The following SNTB2 variants were observed in gnomAD, a reference collection of about 807,000 sequenced individuals.
SNTB2 encodes beta-2-syntrophin.
In SNTB2, 34 loss-of-function variants were observed where a neutral mutation model predicts 46.2. The ratio of observed to expected loss-of-function variants is 0.74; its 90% CI spans 0.56 to 0.98. The LOEUF (loss-of-function observed/expected upper bound fraction) is 0.98, where lower values mean the gene tolerates loss of function less well. Ranked by LOEUF, SNTB2 falls within the 50% of genes least tolerant of loss-of-function variation. The pLI, the probability that SNTB2 is intolerant of heterozygous loss-of-function variation, is 0.00. For synonymous variants in SNTB2, 290 were observed against 312.6 expected (o/e 0.93, Z 0.76); for missense variants, 603 against 731.4 (o/e 0.82, Z 2.02).
chr16:69,226,644 G>A (rs949299015), intron 1 of SNTB2, among the ~76,000 whole-genome samples: 9 of 152,074 alleles, frequency 5.9e-5, no homozygotes, highest in East Asian at 5.8e-4. Flanking sequence ...GTCCTCCCAC[G>A]TCAGTGTCCT....
chr16:69,188,367 A>T (rs1388251047), intron 1 of SNTB2, among the ~76,000 whole-genome samples: 1 of 152,208 alleles, frequency 6.6e-6, no homozygotes, highest in African/African-American at 2.4e-5. Flanking sequence ...ACTGCCAACT[A>T]GAGTTTTGCC....
intron 1 of SNTB2, among the ~76,000 whole-genome samples, chr16:69,189,245 A>C (rs1182475360): frequency 6.6e-6 from 1 of 152,174 alleles, no homozygotes; most frequent in Non-Finnish European, 1.5e-5. Context: ...TTGCTCGGAA[A>C]TTAGTGTTAA....
At chr16:69,257,527 A>G (rs1047374747) in intron 2 of SNTB2, among the ~76,000 whole-genome samples, 1 of 151,424 alleles carries the variant, frequency 6.6e-6, no homozygotes, top group African/African-American at 2.4e-5. Flanking sequence ...GCTCACTGCA[A>G]GCTCCGCCTC....
intron 1 of SNTB2, among the ~76,000 whole-genome samples, chr16:69,220,810 G>A (rs28409143): frequency 0.11 from 16,933 of 152,110 alleles, 1,176 homozygotes; most frequent in Middle Eastern, 0.22. Context: ...AGGATTACAG[G>A]AATAAACCAC....
At chr16:69,273,656 C>T (rs1055310339) in intron 4 of SNTB2, among the ~76,000 whole-genome samples, 5 of 152,224 alleles carry the variant, frequency 3.3e-5, no homozygotes, top group Middle Eastern at 3.4e-3. Context: ...TCTGAATATA[C>T]TAAAGACCAC....
At chr16:69,233,241 A>T (rs1964524781) in intron 1 of SNTB2, among the ~76,000 whole-genome samples, 1 of 152,220 alleles carries the variant, frequency 6.6e-6, no homozygotes, top group African/African-American at 2.4e-5. Context: ...GACTTTAGAT[A>T]TGCTGGTACA....
Position 69,292,378 on chromosome 16 carries a change from ATT to A in SNTB2, c.1346-7211_1346-7210del, listed in dbSNP as rs1491565638. Among the ~76,000 whole-genome samples the A allele has an allele frequency of 3.3e-3, 85 of 25,794 alleles. 13 individuals are homozygous for A. Among genetic ancestry groups the A allele is most frequent in the Middle Eastern group, 0.019 (1 of 52 alleles). 16.9% of individuals were successfully genotyped at this position (25,794 alleles called of 152,430 possible). A position where few individuals can be genotyped will look rare whatever the true frequency, so the allele number is the denominator to read the frequency against. The stretch of plus-strand genomic sequence containing the variant: ...TTTATATATATATATATATATATAT[ATT>A]ATATATATATTATATATATATATAT... On this transcript the variant is annotated intron_variant, in intron 5 of 6. Coordinates refer to ENST00000336278, the MANE Select transcript of SNTB2 (RefSeq NM_006750.4).
At chr16:69,201,082 G>GT (rs1964156781) in intron 1 of SNTB2, among the ~76,000 whole-genome samples, 1 of 152,108 alleles carries the variant, frequency 6.6e-6, no homozygotes, top group South Asian at 2.1e-4. Flanking sequence ...GGCCTCCAGG[G>GT]GCCTGGTTTG....
chr16:69,273,776 C>T (rs187682142), intron 4 of SNTB2, among the ~76,000 whole-genome samples: 1 of 152,168 alleles, frequency 6.6e-6, no homozygotes, highest in African/African-American at 2.4e-5. Context: ...AGACTGATTC[C>T]TAATAAACTG....
chr16:69,263,592 A>G (rs1453237817), intron 3 of SNTB2, among the ~76,000 whole-genome samples: 1 of 151,230 alleles, frequency 6.6e-6, no homozygotes, highest in Non-Finnish European at 1.5e-5. Flanking sequence ...CTAATTTTGT[A>G]TTTTTAGTAG....
At position 69,281,894 on chromosome 16, in the gene SNTB2, T is replaced by A. The variant is rs1046666062; in HGVS notation, c.1149-2154T>A. ...ACCATTCTTTCTCCATTGAATCACATTTGTTTCTCTCTTTTTTTTTTTTTT... is the reference window on the plus strand; with the variant it reads ...ACCATTCTTTCTCCATTGAATCACAATTGTTTCTCTCTTTTTTTTTTTTTT... On this transcript the variant is annotated intron_variant, in intron 4 of 6. Coordinates refer to ENST00000336278, the MANE Select transcript of SNTB2 (RefSeq NM_006750.4). Among the ~76,000 whole-genome samples, 3 of 147,926 alleles carry A rather than the reference T, an allele frequency of 2.0e-5. No individual in the cohort carries two copies. The South Asian group carries it at 6.4e-4, about 32-fold the overall frequency.
intron 1 of SNTB2, among the ~76,000 whole-genome samples, chr16:69,244,080 G>A (rs12598322): frequency 9.9e-5 from 15 of 152,186 alleles, no homozygotes; most frequent in African/African-American, 3.4e-4. Context: ...TATTTGCTTA[G>A]TGTTACTCCC....
intron 4 of SNTB2, among the ~76,000 whole-genome samples, chr16:69,280,121 T>C (rs1418866850): frequency 2.0e-5 from 3 of 152,172 alleles, no homozygotes; most frequent in Non-Finnish European, 4.4e-5. Flanking sequence ...GCACCACCCT[T>C]AATCCGTTTA....
chr16:69,218,471 G>GA (rs1469936573), intron 1 of SNTB2, among the ~76,000 whole-genome samples: 1 of 151,306 alleles, frequency 6.6e-6, no homozygotes, highest in East Asian at 1.9e-4. Flanking sequence ...GCCCAGGCTG[G>GA]AGTGCAGTGG....
chr16:69,285,028 G>C (rs1282410772), intron 5 of SNTB2, among the ~76,000 whole-genome samples: 2 of 152,232 alleles, frequency 1.3e-5, no homozygotes, highest in African/African-American at 4.8e-5. Flanking sequence ...GAGCTTAGGT[G>C]TATAGTGGGG....
At chr16:69,270,510 A>C (rs1031393414) in intron 4 of SNTB2, among the ~76,000 whole-genome samples, 3 of 152,148 alleles carry the variant, frequency 2.0e-5, no homozygotes, top group African/African-American at 7.2e-5. Context: ...TGTACCTTTT[A>C]AGTTGTCAAG....
chr16:69,199,544 A>G (rs1964139207), intron 1 of SNTB2, among the ~76,000 whole-genome samples: 1 of 148,488 alleles, frequency 6.7e-6, no homozygotes, highest in Non-Finnish European at 1.5e-5. Context: ...TTGGTGAGCC[A>G]TGATTGCACC....
chr16:69,299,000 C>A (rs750687487), intron 5 of SNTB2, among the ~76,000 whole-genome samples: 1 of 152,148 alleles, frequency 6.6e-6, no homozygotes, highest in Non-Finnish European at 1.5e-5. Flanking sequence ...GGGACTGTGC[C>A]TCTTACTTCT....
At chr16:69,206,855 T>A (rs1377228983) in intron 1 of SNTB2, among the ~76,000 whole-genome samples, 1 of 151,102 alleles carries the variant, frequency 6.6e-6, no homozygotes, top group Non-Finnish European at 1.5e-5. Flanking sequence ...AACCTCCACC[T>A]CCCAGGTTCA....
Sources: allele counts gnomAD v4.1 joint callset (sites outside exome capture counted in the v4.1 genomes callset), GRCh38; gene constraint gnomAD v4.1.1; transcripts MANE v1.5; gene names NCBI Gene and HGNC (gene_info 2026-07-23, HGNC 2026-07-21).